The following UNC5A variants were observed in gnomAD, a reference collection of about 807,000 sequenced individuals.
UNC5A encodes unc-5 netrin receptor A, also known as netrin receptor UNC5A.
A neutral mutation model predicts 87.4 loss-of-function variants in UNC5A; 20 were observed. The ratio of observed to expected loss-of-function variants is 0.23; its 90% CI spans 0.16 to 0.33. The LOEUF (loss-of-function observed/expected upper bound fraction) is 0.33. Ranked by LOEUF, UNC5A falls within the 10% of genes least tolerant of loss-of-function variation. The probability of loss-of-function intolerance (pLI) is 1.00; values close to 1 mark genes in which losing one functional copy is unlikely to be tolerated. For synonymous variants in UNC5A, 438 were observed against 482.3 expected (o/e 0.91, Z 1.20); for missense variants, 844 against 1,133.4 (o/e 0.74, Z 3.67).
At chr5:176,830,459 C>CGT (rs1182782246) in intron 1 of UNC5A, among the ~76,000 whole-genome samples, 3 of 109,292 alleles carry the variant, frequency 2.7e-5, no homozygotes, top group Admixed American at 1.0e-4. Context: ...GTGTGTTGTG[C>CGT]GTGTGTGTGT....
chr5:176,876,816 A>G lies in UNC5A; in HGVS notation c.1379-376A>G, dbSNP rs1180646567. ...TGGGGGCCAGAGGCAAAGGCCCTTC[A>G]ATGCCAGGCCAGGGAGCTGGACTTC... On this transcript the variant is annotated intron_variant, in intron 8 of 14. Coordinates refer to ENST00000329542, the MANE Select transcript of UNC5A (RefSeq NM_133369.3). Among the ~76,000 whole-genome samples the G allele has an allele frequency of 5.3e-5, 8 of 152,266 alleles. No individual in the cohort carries two copies. The East Asian group carries it at 9.7e-4, about 18-fold the overall frequency.
rs1757193564 is a variant in UNC5A, at chr5:176,838,328, G to A, written c.71-24296G>A. 6.6e-6 allele frequency among the ~76,000 whole-genome samples: 1 copy of A among 152,168 alleles called. No individual in the cohort carries two copies. The highest frequency in any genetic ancestry group is 2.1e-4 in the South Asian group (1 of 4,826). ...TCCCCAATGCCTATAGAAATAAATAGTAGTTCCCCAACCTGTCATTCAAGT... is the reference window on the plus strand; with the variant it reads ...TCCCCAATGCCTATAGAAATAAATAATAGTTCCCCAACCTGTCATTCAAGT... On this transcript the variant is annotated intron_variant, in intron 1 of 14. Coordinates refer to ENST00000329542, the MANE Select transcript of UNC5A (RefSeq NM_133369.3). The surrounding 1 kb of genome is among the most constrained non-coding windows in gnomAD (Gnocchi z 4.2).
At position 176,823,618 on chromosome 5, in the gene UNC5A, G is replaced by A. The variant is rs776339154; in HGVS notation, c.70+12798G>A. On this transcript the variant is annotated intron_variant, in intron 1 of 14. Coordinates refer to ENST00000329542, the MANE Select transcript of UNC5A (RefSeq NM_133369.3). ...CAGCAGGGAGAGACACAGGGAGGCT[G>A]AGGGAGACCCTCCCAGCAAGCAGAG... Among the ~76,000 whole-genome samples, 8 of 152,124 alleles carry A rather than the reference G, an allele frequency of 5.3e-5. 1 individual carries two copies. The highest frequency in any genetic ancestry group is 1.2e-4 in the Non-Finnish European group (8 of 67,978).
rs768440834 is a variant in UNC5A at position 176,868,932 on chromosome 5, G to A, written c.689G>A (p.Arg230His). The part of the protein sequence containing the change: ...TCVAKNIVAR[R>H]RSASAAVIVY... ...GTGGCCAAGAACATCGTGGCACGTC[G>A]CCGCAGCGCCTCCGCTGCTGTCATC... Residue 230 changes from arginine to histidine, a missense_variant, in exon 5 of 15, where the codon CGC (arginine) becomes CAC (histidine). By Grantham distance (29) the Arg-to-His change is conservative (BLOSUM62 0). This residue lies in a region of UNC5A where 314 missense variants were observed against 466.5 expected (regional missense o/e 0.67). Coordinates refer to ENST00000329542, the MANE Select transcript of UNC5A (RefSeq NM_133369.3). The A allele has an allele frequency of 1.1e-5, 17 of 1,611,036 alleles. No homozygotes were observed. The highest frequency in any genetic ancestry group is 9.3e-6 in the Non-Finnish European group (11 of 1,178,842).
rs749282231 is a variant in UNC5A, at chr5:176,878,121, A to C, written c.1863A>C (p.Ala621=). The C allele has an allele frequency of 1.9e-6, 3 of 1,607,930 alleles. No individual in the cohort carries two copies. The highest frequency in any genetic ancestry group is 2.5e-6 in the Non-Finnish European group (3 of 1,179,650). Residue 621 remains alanine (A), a synonymous_variant, in exon 11 of 15, where the codon GCA becomes GCC. Transcript: ENST00000329542. ...RVYCLHDTHD[A]LKEVVQLEKQ... ...ACTGCCTGCATGACACCCACGATGC[A>C]CTCAAGGTATCTCCCGCCCCTCACC...
chr5:176,847,235 G>A (rs1340150771), intron 1 of UNC5A, among the ~76,000 whole-genome samples: 1 of 152,176 alleles, frequency 6.6e-6, no homozygotes, highest in Non-Finnish European at 1.5e-5. Flanking sequence ...AAAATGCCCC[G>A]TTCCCATCCA....
chr5:176,867,139 T>C (rs1252810621), intron 2 of UNC5A, among the ~76,000 whole-genome samples: 1 of 152,150 alleles, frequency 6.6e-6, no homozygotes, highest in African/African-American at 2.4e-5. Flanking sequence ...CCGGCCTCTC[T>C]CTCCCTTTCT....
intron 1 of UNC5A, among the ~76,000 whole-genome samples, chr5:176,826,975 G>T (rs1756870935): frequency 6.6e-6 from 1 of 151,840 alleles, no homozygotes. Context: ...ACCCCATTAA[G>T]CAGTCACTCC....
chr5:176,861,531 G>C (rs574119134), intron 1 of UNC5A, among the ~76,000 whole-genome samples: 1 of 152,356 alleles, frequency 6.6e-6, no homozygotes, highest in East Asian at 1.9e-4. Context: ...TGGGCCAGGC[G>C]TATGTGCCCC....
At chr5:176,836,705 T>C (rs1273796677) in intron 1 of UNC5A, among the ~76,000 whole-genome samples, 2 of 152,146 alleles carry the variant, frequency 1.3e-5, no homozygotes, top group Non-Finnish European at 2.9e-5. Context: ...TGCCCCAGCC[T>C]GACAGAGCGA....
At chr5:176,834,665 TTC>T (rs369472376) in intron 1 of UNC5A, among the ~76,000 whole-genome samples, 3,495 of 101,292 alleles carry the variant, frequency 0.035, 150 homozygotes, top group African/African-American at 0.11. Flanking sequence ...ACGTCCCGTC[TTC>T]TCTCTCTCTC....
At position 176,880,085 on chromosome 5, in the gene UNC5A, C is replaced by T; in HGVS notation, c.*199C>T. ...TCCATGGCCTGCCTAGCCAGGCTGG[C>T]ACTGCCACTCACACTCGGCCCCAGG... On this transcript the variant is annotated 3_prime_UTR_variant, in exon 15 of 15. Transcript: ENST00000329542. 1 of 675,784 alleles carries T rather than the reference C, an allele frequency of 1.5e-6. No homozygotes were observed. The highest frequency in any genetic ancestry group is 2.4e-6 in the Non-Finnish European group (1 of 415,854). The allele number at this position is 675,784 out of a possible 1,614,324, so 41.9% of individuals were successfully genotyped here. A position where few individuals can be genotyped will look rare whatever the true frequency, so the allele number is the denominator to read the frequency against.
chr5:176,845,590 C>T (rs1250856192), intron 1 of UNC5A, among the ~76,000 whole-genome samples: 1 of 152,246 alleles, frequency 6.6e-6, no homozygotes, highest in East Asian at 1.9e-4. Context: ...CCAGAAATGT[C>T]TGCATTCCCC....
intron 1 of UNC5A, among the ~76,000 whole-genome samples, chr5:176,840,383 C>T (rs1023069317): frequency 6.6e-6 from 1 of 152,074 alleles, no homozygotes; most frequent in Non-Finnish European, 1.5e-5. Flanking sequence ...AGGGGCTGGG[C>T]GGCAGAGCCA....
Position 176,869,690 on chromosome 5 carries a change from C to CCGGA in UNC5A, c.722-679_722-676dup. The CCGGA allele has an allele frequency of 1.4e-6, 1 of 694,642 alleles. No homozygotes were observed. Among genetic ancestry groups the CCGGA allele is most frequent in the Non-Finnish European group, 2.6e-6 (1 of 380,200 alleles). The allele number at this position is 694,642 out of a possible 1,614,324, so 43.0% of individuals were successfully genotyped here. A position where few individuals can be genotyped will look rare whatever the true frequency, so the allele number is the denominator to read the frequency against. ...GTGGGCGCGGCTGGCAGAAACGGAG[C>CCGGA]CGGAGCTGCACCAACCCGGCGCCTC... On this transcript the variant is annotated intron_variant, in intron 5 of 14. Coordinates refer to ENST00000329542, the MANE Select transcript of UNC5A (RefSeq NM_133369.3). The surrounding 1 kb of genome is among the most constrained non-coding windows in gnomAD (Gnocchi z 9.1).
chr5:176,825,884 G>A (rs1381641003), intron 1 of UNC5A, among the ~76,000 whole-genome samples: 3 of 152,324 alleles, frequency 2.0e-5, no homozygotes, highest in Middle Eastern at 3.4e-3. Flanking sequence ...CAGGCCCGGC[G>A]TCAGGTGCCA....
rs1288173485 is a variant in UNC5A at position 176,873,983 on chromosome 5, A to G, written c.902A>G (p.Glu301Gly). 1 of 1,613,424 alleles carries G rather than the reference A, an allele frequency of 6.2e-7. No homozygotes were observed. The highest frequency in any genetic ancestry group is 1.1e-5 in the South Asian group (1 of 91,074). The change falls in exon 7 of 15, where the codon GAG becomes GGG. Residue 301 changes from glutamate to glycine, a missense_variant. By Grantham distance (98) the Glu-to-Gly change is moderately conservative (BLOSUM62 -2). This residue lies in a region of UNC5A where 314 missense variants were observed against 466.5 expected (regional missense o/e 0.67). Coordinates refer to ENST00000329542, the MANE Select transcript of UNC5A (RefSeq NM_133369.3). ...TCTCCCGCAGCTGCTTCTGGCCCTGAGGACGTGGCCCTCTATGTGGGCCTC... is the reference window on the plus strand; with the variant it reads ...TCTCCCGCAGCTGCTTCTGGCCCTGGGGACGTGGCCCTCTATGTGGGCCTC... ...DLCVHTASGP[E>G]DVALYVGLIA...
rs563071566 is a variant in UNC5A at position 176,857,187 on chromosome 5, C to G, written c.71-5437C>G. Reference sequence around the variant, plus strand: ...CGCCCCTTCTACCTTCTCTGCTGCACTTGGGTTTTGTTTTGCTTTGTTTCC... The same window carrying G: ...CGCCCCTTCTACCTTCTCTGCTGCAGTTGGGTTTTGTTTTGCTTTGTTTCC... On this transcript the variant is annotated intron_variant, in intron 1 of 14. Coordinates refer to ENST00000329542, the MANE Select transcript of UNC5A (RefSeq NM_133369.3). 6.6e-5 allele frequency among the ~76,000 whole-genome samples: 10 copies of G among 152,398 alleles called. No individual in the cohort carries two copies. In the East Asian group the frequency reaches 1.9e-3, roughly 29 times the overall value.
At chr5:176,847,622 TA>T (rs1332419734) in intron 1 of UNC5A, among the ~76,000 whole-genome samples, 1 of 152,128 alleles carries the variant, frequency 6.6e-6, no homozygotes, top group African/African-American at 2.4e-5. Context: ...GCTGCAGCGA[TA>T]ACAGCAGTTC....
Sources: gnomAD v4.1 joint callset for allele counts (sites outside exome capture counted in the v4.1 genomes callset) on GRCh38, gnomAD v4.1.1 for gene constraint, gnomAD v4.1.1 regional missense constraint, Gnocchi (gnomAD v3.1) non-coding constraint, MANE v1.5 for transcripts, NCBI Gene and HGNC (gene_info 2026-07-23, HGNC 2026-07-21) for gene names.